The following BTG4 variants were observed in gnomAD, a reference collection of about 807,000 sequenced individuals.
The protein encoded by BTG4 is BTG anti-proliferation factor 4, also known as protein BTG4.
A neutral mutation model predicts 19.3 loss-of-function variants in BTG4; 10 were observed. The observed-to-expected ratio is 0.52, with a 90% CI of 0.32 to 0.88. BTG4 has a LOEUF of 0.88. BTG4 is among the 40% of genes least tolerant of loss of function. The pLI is 0.04. For synonymous variants in BTG4, 91 were observed against 95.7 expected (o/e 0.95, Z 0.29); for missense variants, 238 against 281.9 (o/e 0.84, Z 1.11).
the BTG4 span, among the ~76,000 whole-genome samples, chr11:111,432,715 TAG>T: frequency 6.6e-6 from 1 of 152,166 alleles, no homozygotes; most frequent in African/African-American, 2.4e-5. Context: ...TTCTGCCAGA[TAG>T]AAGGGAAACA....
At chr11:111,449,057 A>G in the BTG4 span, among the ~76,000 whole-genome samples, 5 of 152,146 alleles carry the variant, frequency 3.3e-5, no homozygotes, top group Admixed American at 6.5e-5. Flanking sequence ...GTTCTCTGCA[A>G]GCCAACAAAT....
At chr11:111,507,066 C>T (rs1298335164) in intron 1 of BTG4, among the ~76,000 whole-genome samples, 3 of 151,462 alleles carry the variant, frequency 2.0e-5, no homozygotes, top group Non-Finnish European at 4.4e-5. Flanking sequence ...ATATAAGTTT[C>T]CCACTTTAAA....
chr11:111,389,349 T>C, the BTG4 span, among the ~76,000 whole-genome samples: 13 of 152,172 alleles, frequency 8.5e-5, no homozygotes, highest in Admixed American at 7.9e-4. Flanking sequence ...CTCAAAATTT[T>C]AGACACCTTG....
the BTG4 span, among the ~76,000 whole-genome samples, chr11:111,442,546 C>CACACA: frequency 0.18 from 25,878 of 141,384 alleles, 2,703 homozygotes; most frequent in South Asian, 0.26. Flanking sequence ...ACACACACAC[C>CACACA]AGATGAGCCT....
the BTG4 span, among the ~76,000 whole-genome samples, chr11:111,430,175 C>T: frequency 1.3e-4 from 20 of 152,286 alleles, no homozygotes; most frequent in East Asian, 3.7e-3. Context: ...GAAGTCCTGA[C>T]GACACGTGCC....
chr11:111,476,613 A>G (rs2135553820), intron 5 of BTG4, among the ~76,000 whole-genome samples: 1 of 152,264 alleles, frequency 6.6e-6, no homozygotes, highest in African/African-American at 2.4e-5. Context: ...TAGATTAGTC[A>G]TCAGGTAAGT....
chr11:111,509,750 G>A (rs1866728880), intron 1 of BTG4, among the ~76,000 whole-genome samples: 1 of 151,708 alleles, frequency 6.6e-6, no homozygotes. Flanking sequence ...TTATAAAGAA[G>A]CTGCTAAAAT....
chr11:111,414,427 C>T, the BTG4 span: 1 of 152,186 alleles, frequency 6.6e-6, no homozygotes, highest in African/African-American at 2.4e-5. Flanking sequence ...ACCCTCCTAT[C>T]AGGGCTCAGG....
rs1367257517 is a variant in BTG4 at position 111,494,824 on chromosome 11, C to T, written c.*311G>A. ...AAACTGAACTAAGAAGTATTAAAAA[C>T]ACTGTACGTTTATTTAAACCATTAC... On this transcript the variant is annotated 3_prime_UTR_variant, in exon 5 of 5. Transcript: ENST00000692032. 2 of 919,550 alleles carry T rather than the reference C, an allele frequency of 2.2e-6. No individual in the cohort carries two copies. The highest frequency in any genetic ancestry group is 3.6e-5 in the African/African-American group (2 of 55,788). 57.0% of individuals were successfully genotyped at this position (919,550 alleles called of 1,614,324 possible).
At chr11:111,427,387 G>A in the BTG4 span, among the ~76,000 whole-genome samples, 1 of 152,302 alleles carries the variant, frequency 6.6e-6, no homozygotes, top group Non-Finnish European at 1.5e-5. Flanking sequence ...ACCCAGCACT[G>A]CCGAACACCC....
intron 5 of BTG4, among the ~76,000 whole-genome samples, chr11:111,476,691 A>G (rs995998757): frequency 6.6e-6 from 1 of 152,160 alleles, no homozygotes; most frequent in Non-Finnish European, 1.5e-5. Context: ...CTTTCATGGC[A>G]CAGATACTAA....
At chr11:111,468,607 T>G (rs1863869393) in intron 5 of BTG4, among the ~76,000 whole-genome samples, 1 of 152,216 alleles carries the variant, frequency 6.6e-6, no homozygotes, top group African/African-American at 2.4e-5. Flanking sequence ...GCCAACCTAC[T>G]GTCTCTTAAG....
chr11:111,423,234 G>A, the BTG4 span, among the ~76,000 whole-genome samples: 6 of 152,198 alleles, frequency 3.9e-5, no homozygotes, highest in African/African-American at 7.2e-5. Context: ...TGGCGGGCCC[G>A]GGAGACCGAA....
chr11:111,407,231 A>G, the BTG4 span, among the ~76,000 whole-genome samples: 17 of 148,732 alleles, frequency 1.1e-4, no homozygotes, highest in African/African-American at 4.2e-4. Flanking sequence ...TATAATATAT[A>G]CCATGTATGT....
the BTG4 span, among the ~76,000 whole-genome samples, chr11:111,438,208 C>A: frequency 6.6e-6 from 1 of 152,230 alleles, no homozygotes; most frequent in African/African-American, 2.4e-5. Flanking sequence ...AGTGCTGACA[C>A]GGGGTCCCAG....
chr11:111,390,872 A>G, the BTG4 span, among the ~76,000 whole-genome samples: 2 of 152,220 alleles, frequency 1.3e-5, no homozygotes, highest in Admixed American at 6.5e-5. Flanking sequence ...AGGCAGATGC[A>G]CAGACTCCAA....
Position 111,494,922 on chromosome 11 carries a change from T to C in BTG4, c.*213A>G, listed in dbSNP as rs1865625435. The C allele has an allele frequency of 1.0e-6, 1 of 985,062 alleles. No homozygotes were observed. Among genetic ancestry groups the C allele is most frequent in the Non-Finnish European group, 1.2e-6 (1 of 829,622 alleles). 61.0% of individuals were successfully genotyped at this position (985,062 alleles called of 1,614,324 possible). ...TTACCTTACTGGGTACATTCACTGA[T>C]GTTACATAAAACTTCATGTAAAATT... On this transcript the variant is annotated 3_prime_UTR_variant, in exon 5 of 5. Transcript: ENST00000692032.
At chr11:111,479,715 G>C (rs1327200252) in intron 5 of BTG4, among the ~76,000 whole-genome samples, 1 of 152,054 alleles carries the variant, frequency 6.6e-6, no homozygotes, top group Non-Finnish European at 1.5e-5. Context: ...TATTATAAAT[G>C]GGGGAAGATA....
the BTG4 span, among the ~76,000 whole-genome samples, chr11:111,434,387 A>G: frequency 1.3e-5 from 2 of 152,226 alleles, no homozygotes; most frequent in African/African-American, 4.8e-5. Context: ...AACATCCCAC[A>G]CTGGGGCCTG....
Sources: allele counts gnomAD v4.1 joint callset (sites outside exome capture counted in the v4.1 genomes callset), GRCh38; gene constraint gnomAD v4.1.1; transcripts MANE v1.5; gene names NCBI Gene and HGNC (gene_info 2026-07-23, HGNC 2026-07-21).